The following MGAT4C variants were observed in gnomAD, a reference collection of about 807,000 sequenced individuals.
MGAT4C encodes the protein alpha-1,3-mannosyl-glycoprotein 4-beta-N-acetylglucosaminyltransferase C.
Under a neutral mutation model 40.1 loss-of-function variants are expected in MGAT4C, and 19 were observed. The observed-to-expected ratio is 0.47, with a 90% CI of 0.33 to 0.70. The LOEUF (loss-of-function observed/expected upper bound fraction) is 0.70, where lower values mean the gene tolerates loss of function less well. MGAT4C is among the 30% of genes least tolerant of loss of function. The pLI, the probability that MGAT4C is intolerant of heterozygous loss-of-function variation, is 0.02. For missense variants in MGAT4C, 491 were observed against 563.2 expected (o/e 0.87, Z 1.30); for synonymous variants, 181 against 187.1 (o/e 0.97, Z 0.27).
chr12:86,745,375 C>A (rs1251123809), intron 1 of MGAT4C, among the ~76,000 whole-genome samples: 3 of 151,580 alleles, frequency 2.0e-5, no homozygotes, highest in Admixed American at 6.6e-5. Context: ...CTTTGAAGAA[C>A]TAAAGACACA....
intron 3 of MGAT4C, among the ~76,000 whole-genome samples, chr12:86,360,097 G>T (rs151175185): frequency 1.1e-3 from 162 of 152,246 alleles, no homozygotes; most frequent in Admixed American, 2.9e-3. Flanking sequence ...TAAAATACGG[G>T]CAAACCAAAT....
At chr12:86,073,752 C>G (rs1295900667) in intron 1 of MGAT4C, among the ~76,000 whole-genome samples, 1 of 152,126 alleles carries the variant, frequency 6.6e-6, no homozygotes. Flanking sequence ...CCCATTGTAC[C>G]TAGGAAGTAA....
intron 4 of MGAT4C, among the ~76,000 whole-genome samples, chr12:85,981,763 A>T (rs575434106): frequency 6.6e-6 from 1 of 152,308 alleles, no homozygotes; most frequent in East Asian, 1.9e-4. Context: ...GCAAGGTGGT[A>T]CACTTAGTAG....
chr12:86,588,197 T>C (rs1227625609), intron 2 of MGAT4C, among the ~76,000 whole-genome samples: 1 of 151,352 alleles, frequency 6.6e-6, no homozygotes, highest in Non-Finnish European at 1.5e-5. Context: ...TCTGCATCTA[T>C]TGAGAGGAAG....
intron 4 of MGAT4C, among the ~76,000 whole-genome samples, chr12:86,322,759 C>T (rs937336774): frequency 1.3e-5 from 2 of 151,800 alleles, no homozygotes; most frequent in African/African-American, 2.4e-5. Flanking sequence ...AGTCCAATAA[C>T]GTGTTCATAT....
At chr12:86,677,778 G>C (rs1465979808) in intron 2 of MGAT4C, among the ~76,000 whole-genome samples, 7 of 152,250 alleles carry the variant, frequency 4.6e-5, no homozygotes, top group Non-Finnish European at 7.4e-5. Flanking sequence ...GTAAAAATAT[G>C]AAATAGGATG....
intron 3 of MGAT4C, among the ~76,000 whole-genome samples, chr12:86,344,851 G>A (rs1256311320): frequency 1.3e-5 from 2 of 151,442 alleles, no homozygotes; most frequent in African/African-American, 4.9e-5. Context: ...ATTAATACAT[G>A]TGACATATTG....
intron 2 of MGAT4C, among the ~76,000 whole-genome samples, chr12:86,632,793 A>T (rs1195734269): frequency 6.6e-6 from 1 of 151,972 alleles, no homozygotes; most frequent in Admixed American, 6.6e-5. Context: ...ACATTAGGAG[A>T]AATACCTAAT....
chr12:86,413,093 A>G (rs955853122), intron 3 of MGAT4C, among the ~76,000 whole-genome samples: 1 of 152,026 alleles, frequency 6.6e-6, no homozygotes, highest in Non-Finnish European at 1.5e-5. Context: ...CTTTTTTCCA[A>G]TTAAACAAAA....
At chr12:86,742,493 T>G (rs898162944) in intron 1 of MGAT4C, among the ~76,000 whole-genome samples, 1 of 151,506 alleles carries the variant, frequency 6.6e-6, no homozygotes, top group Admixed American at 6.6e-5. Flanking sequence ...TGCTTCCACC[T>G]TGCTCCATGA....
At chr12:86,510,876 C>CCA in intron 2 of MGAT4C, among the ~76,000 whole-genome samples, 1 of 151,944 alleles carries the variant, frequency 6.6e-6, no homozygotes, top group South Asian at 2.1e-4. Context: ...ACTTAGACTC[C>CCA]CACACATTAA....
intron 1 of MGAT4C, among the ~76,000 whole-genome samples, chr12:86,163,045 T>A (rs1885776101): frequency 6.6e-6 from 1 of 152,156 alleles, no homozygotes; most frequent in Admixed American, 6.5e-5. Context: ...AAATCTGCAT[T>A]TCAAATCTCA....
At chr12:86,779,035 T>G (rs1184160889) in intron 1 of MGAT4C, among the ~76,000 whole-genome samples, 1 of 151,344 alleles carries the variant, frequency 6.6e-6, no homozygotes, top group African/African-American at 2.4e-5. Flanking sequence ...CAACTGTTAT[T>G]TTTCTTGAAG....
At chr12:86,597,550 TTG>T (rs767389701) in intron 2 of MGAT4C, among the ~76,000 whole-genome samples, 1 of 152,230 alleles carries the variant, frequency 6.6e-6, no homozygotes, top group Non-Finnish European at 1.5e-5. Flanking sequence ...TCTTTAACTT[TTG>T]TATAGATAAT....
chr12:86,217,047 T>G (rs1950699207), intron 1 of MGAT4C, among the ~76,000 whole-genome samples: 1 of 152,224 alleles, frequency 6.6e-6, no homozygotes, highest in African/African-American at 2.4e-5. Context: ...GGTTTTAACA[T>G]TCTTATCACC....
chr12:86,188,050 T>A (rs552252744), intron 1 of MGAT4C, among the ~76,000 whole-genome samples: 44 of 152,206 alleles, frequency 2.9e-4, no homozygotes, highest in Non-Finnish European at 4.9e-4. Flanking sequence ...GGCCTTTGCC[T>A]GTCTTAAAGT....
chr12:86,378,564 A>G (rs1243896379), intron 3 of MGAT4C, among the ~76,000 whole-genome samples: 1 of 152,134 alleles, frequency 6.6e-6, no homozygotes, highest in Non-Finnish European at 1.5e-5. Flanking sequence ...TTTATCCAAG[A>G]ATCATGAGCT....
chr12:86,278,917 A>T (rs1221726121), intron 4 of MGAT4C, among the ~76,000 whole-genome samples: 1 of 151,054 alleles, frequency 6.6e-6, no homozygotes, highest in Non-Finnish European at 1.5e-5. Flanking sequence ...GTTTTTTAGC[A>T]ACAGTTGAAA....
chr12:86,788,298 G>A (rs1189186095), intron 1 of MGAT4C, among the ~76,000 whole-genome samples: 1 of 137,908 alleles, frequency 7.3e-6, no homozygotes, highest in African/African-American at 2.6e-5. Context: ...TCATTATTAG[G>A]TTTTTTTTTT....
Sources: gnomAD v4.1 joint callset for allele counts (sites outside exome capture counted in the v4.1 genomes callset) on GRCh38, gnomAD v4.1.1 for gene constraint, MANE v1.5 for transcripts, NCBI Gene and HGNC (gene_info 2026-07-23, HGNC 2026-07-21) for gene names.